Variants in LCMT2 observed in about 807,000 individuals in gnomAD.
LCMT2 encodes leucine carboxyl methyltransferase 2.
LCMT2 carries 34 observed loss-of-function variants against 42.0 expected under a neutral mutation model. That is an observed-to-expected ratio of 0.81 (90% CI 0.62 to 1.08). The LOEUF is 1.08. LCMT2 is among the 50% of genes least tolerant of loss of function. The pLI, the probability that LCMT2 is intolerant of heterozygous loss-of-function variation, is 0.00. For missense variants in LCMT2, 1,091 were observed against 889.4 expected (o/e 1.23, Z -2.88); for synonymous variants, 445 against 369.5 (o/e 1.20, Z -2.34).
In LCMT2 at chr15:43,324,167, CCTT is replaced by C. The variant is rs2043106140; in HGVS notation, c.*4259_*4261del. 4 of 152,318 alleles carry C rather than the reference CCTT, an allele frequency of 2.6e-5. No homozygotes were observed. Among genetic ancestry groups the C allele is most frequent in the East Asian group, 1.9e-4 (1 of 5,188 alleles). The allele number at this position is 152,318 out of a possible 1,614,324, so 9.4% of individuals were successfully genotyped here. A position where few individuals can be genotyped will look rare whatever the true frequency, so the allele number is the denominator to read the frequency against. ...TCATAATTCCTGCTCTACACACTCT[CCTT>C]CTCTCTTTAAACATCAAGTCTAATG... On this transcript the variant is annotated 3_prime_UTR_variant, in exon 1 of 1. Transcript: ENST00000305641.
At position 43,330,083 on chromosome 15, in the gene LCMT2, G is replaced by A. The variant is rs1402442700; in HGVS notation, c.407C>T (p.Thr136Ile). The stretch of plus-strand genomic sequence containing the variant: ...GGGCTCCCCCCTCTCGAAAGGCCCG[G>A]TTAACGCGCACAGCTCTGGCGTCTC... ...IGETPELCAL[T>I]GPFERGEPAS... is the part of the protein sequence containing the mutation. Residue 136 changes from threonine (T) to isoleucine (I), a missense_variant, in exon 1 of 1, where the codon ACC becomes ATC. Thr to Ile is a moderately conservative substitution (Grantham distance 89). Transcript: ENST00000305641. 3 of 1,612,060 alleles carry A rather than the reference G, an allele frequency of 1.9e-6. No individual in the cohort carries two copies. The highest frequency in any genetic ancestry group is 1.7e-5 in the Admixed American group (1 of 60,008).
At position 43,330,219 on chromosome 15, in the gene LCMT2, C is replaced by T; in HGVS notation, c.271G>A (p.Gly91Ser). ...AAGCGAAAATAGAGCGAGTCGAAGC[C>T]AGCGCCGAGAGACAAGATCTGCGCG... ...LRAQILSLGA[G>S]FDSLYFRLKT... Residue 91 changes from glycine to serine, a missense_variant, in exon 1 of 1, where the codon GGC becomes AGC. Transcript: ENST00000305641. The T allele has an allele frequency of 6.2e-7, 1 of 1,611,012 alleles. No homozygotes were observed. The highest frequency in any genetic ancestry group is 8.5e-7 in the Non-Finnish European group (1 of 1,179,754).
chr15:43,330,090 C>T lies in LCMT2; in HGVS notation c.400G>A (p.Ala134Thr), dbSNP rs772239826. ...ERIGETPELC[A>T]LTGPFERGEP... ...CCCCTCTCGAAAGGCCCGGTTAACG[C>T]GCACAGCTCTGGCGTCTCTCCAATC... Residue 134 changes from alanine (A) to threonine (T), a missense_variant, in exon 1 of 1, where the codon GCG becomes ACG. Transcript: ENST00000305641. 5.6e-6 allele frequency: 9 copies of T among 1,611,944 alleles called. No homozygotes were observed. The highest frequency in any genetic ancestry group is 6.8e-6 in the Non-Finnish European group (8 of 1,179,914).
Position 43,329,877 on chromosome 15 carries a change from A to G in LCMT2, c.613T>C (p.Trp205Arg). 1.2e-6 allele frequency: 2 copies of G among 1,613,456 alleles called. No individual in the cohort carries two copies. Among genetic ancestry groups the G allele is most frequent in the Non-Finnish European group, 1.7e-6 (2 of 1,179,882 alleles). Residue 205 changes from tryptophan (W) to arginine (R), a missense_variant, in exon 1 of 1, where the codon TGG (tryptophan) becomes CGG (arginine). Transcript: ENST00000305641. ...EPESAAALIA[W>R]AAQRFPNALF... is the part of the protein sequence containing the mutation. ...GCATTAGGAAAACGCTGGGCTGCCC[A>G]GGCGATGAGGGCCGCGGCACTCTCC...
Position 43,323,713 on chromosome 15 carries a change from A to G in LCMT2, c.*4716T>C, listed in dbSNP as rs2043104242. On this transcript the variant is annotated 3_prime_UTR_variant, in exon 1 of 1. Coordinates refer to ENST00000305641, the MANE Select transcript of LCMT2 (RefSeq NM_014793.5). Reference sequence around the variant, plus strand: ...TGACACCAGAAAGTCTACCACCTTTACCTGGGTCAGAAAAGTTGAATGTAT... The same window carrying G: ...TGACACCAGAAAGTCTACCACCTTTGCCTGGGTCAGAAAAGTTGAATGTAT... 1 of 152,220 alleles carries G rather than the reference A, an allele frequency of 6.6e-6. No individual in the cohort carries two copies. The highest frequency in any genetic ancestry group is 2.4e-5 in the African/African-American group (1 of 41,448). 9.4% of individuals were successfully genotyped at this position (152,220 alleles called of 1,614,324 possible). A position where few individuals can be genotyped will look rare whatever the true frequency, so the allele number is the denominator to read the frequency against.
chr15:43,329,219 CTT>C lies in LCMT2; in HGVS notation c.1269_1270del (p.Arg424ThrfsTer29). On this transcript the variant is annotated frameshift_variant, in exon 1 of 1. Transcript: ENST00000305641. LOFTEE classifies it high-confidence loss of function. ...AACCAGAACCCGACTCTCTGAGAGT[CTT>C]GTCATGGTGTGATAAAGGCGTCCAT... The C allele has an allele frequency of 6.2e-7, 1 of 1,614,038 alleles. No individual in the cohort carries two copies. Among genetic ancestry groups the C allele is most frequent in the Non-Finnish European group, 8.5e-7 (1 of 1,180,016 alleles).
Position 43,329,722 on chromosome 15 carries a change from G to T in LCMT2, c.768C>A (p.Arg256=). 1 of 1,613,366 alleles carries T rather than the reference G, an allele frequency of 6.2e-7. No individual in the cohort carries two copies. Among genetic ancestry groups the T allele is most frequent in the Non-Finnish European group, 8.5e-7 (1 of 1,179,844 alleles). Residue 256 remains arginine (R), a synonymous_variant, in exon 1 of 1, where the codon CGC becomes CGA. Transcript: ENST00000305641. ...CGGTCCAGCCAGCTTGAAGGAAGCG[G>T]CGCCGCTGCGCCTCCACGTCAGGAA... ...ERFPDVEAQR[R]RFLQAGWTAC...
Position 43,323,676 on chromosome 15 carries a change from T to C in LCMT2, c.*4753A>G, listed in dbSNP as rs966812026. 3 of 152,176 alleles carry C rather than the reference T, an allele frequency of 2.0e-5. No homozygotes were observed. Among genetic ancestry groups the C allele is most frequent in the Non-Finnish European group, 2.9e-5 (2 of 68,026 alleles). 9.4% of individuals were successfully genotyped at this position (152,176 alleles called of 1,614,324 possible). On this transcript the variant is annotated 3_prime_UTR_variant, in exon 1 of 1. Coordinates refer to ENST00000305641, the MANE Select transcript of LCMT2 (RefSeq NM_014793.5). The stretch of plus-strand genomic sequence containing the variant: ...AGGGAGAAGGTTCAGGTTTATTCCA[T>C]AAAGATAGAAATGACACCAGAAAGT...
rs756776063 is a variant in LCMT2, at chr15:43,329,515, G to T, written c.975C>A (p.Ser325=). 4 of 1,614,072 alleles carry T rather than the reference G, an allele frequency of 2.5e-6. No homozygotes were observed. In the African/African-American group the frequency reaches 5.3e-5, roughly 22 times the overall value. Residue 325 remains serine (S), a synonymous_variant, in exon 1 of 1, where the codon TCC becomes TCA. Coordinates refer to ENST00000305641, the MANE Select transcript of LCMT2 (RefSeq NM_014793.5). The part of the protein sequence containing the change: ...DTLSHTLVFP[S]SEAFPRVNPA... ...GATTTACGCGAGGAAATGCCTCTGA[G>T]GATGGAAACACTAGGGTGTGGGAGA... is the stretch of plus-strand genomic sequence containing the variant.
In LCMT2 at chr15:43,325,230, G is replaced by T. The variant is rs1375924704; in HGVS notation, c.*3199C>A. The T allele has an allele frequency of 6.6e-6, 1 of 152,222 alleles. No individual in the cohort carries two copies. The highest frequency in any genetic ancestry group is 2.4e-5 in the African/African-American group (1 of 41,460). 9.4% of individuals were successfully genotyped at this position (152,222 alleles called of 1,614,324 possible). On this transcript the variant is annotated 3_prime_UTR_variant, in exon 1 of 1. Coordinates refer to ENST00000305641, the MANE Select transcript of LCMT2 (RefSeq NM_014793.5). ...CTAGAAGTAATCCCTAAAAGAGGAA[G>T]AGACCTGTTCATTAACTCTCATAAC... is the stretch of plus-strand genomic sequence containing the variant.
At position 43,330,282 on chromosome 15, in the gene LCMT2, A is replaced by C. The variant is rs776595108; in HGVS notation, c.208T>G (p.Phe70Val). Reference sequence around the variant, plus strand: ...TGGGGCGCGCCAATCTGCTCCAAAAAAGCGCGCACGCAGTGCCTCACGGCG... The same window carrying C: ...TGGGGCGCGCCAATCTGCTCCAAAACAGCGCGCACGCAGTGCCTCACGGCG... ...ARAVRHCVRA[F>V]LEQIGAPQAA... The change falls in exon 1 of 1, where the codon TTT becomes GTT. Residue 70 changes from phenylalanine (F) to valine (V), a missense_variant. Transcript: ENST00000305641. 9.4e-6 allele frequency: 15 copies of C among 1,595,228 alleles called. No homozygotes were observed. Among genetic ancestry groups the C allele is most frequent in the African/African-American group, 2.7e-5 (2 of 73,404 alleles).
In LCMT2 at chr15:43,328,103, C is replaced by T. The variant is rs964881359; in HGVS notation, c.*326G>A. The T allele has an allele frequency of 4.1e-5, 10 of 244,210 alleles. No homozygotes were observed. The highest frequency in any genetic ancestry group is 8.0e-5 in the Non-Finnish European group (10 of 125,602). The allele number at this position is 244,210 out of a possible 1,614,324, so 15.1% of individuals were successfully genotyped here. ...CGTGTAACTTTTTCTAAGGTACCATCTCAAATCACAAGGCCTGGGATTGGG... is the reference window on the plus strand; with the variant it reads ...CGTGTAACTTTTTCTAAGGTACCATTTCAAATCACAAGGCCTGGGATTGGG... On this transcript the variant is annotated 3_prime_UTR_variant, in exon 1 of 1. Coordinates refer to ENST00000305641, the MANE Select transcript of LCMT2 (RefSeq NM_014793.5).
In LCMT2 at chr15:43,329,740, G is replaced by C. The variant is rs747880006; in HGVS notation, c.750C>G (p.Asp250Glu). ...SPLHGLERFP[D>E]VEAQRRRFLQ... ...GGAAGCGGCGCCGCTGCGCCTCCAC[G>C]TCAGGAAAACGCTCCAGGCCATGCA... Residue 250 changes from aspartate to glutamate, a missense_variant, in exon 1 of 1, where the codon GAC becomes GAG. Transcript: ENST00000305641. 45 of 1,613,400 alleles carry C rather than the reference G, an allele frequency of 2.8e-5. No individual in the cohort carries two copies. Among genetic ancestry groups the C allele is most frequent in the Non-Finnish European group, 3.6e-5 (42 of 1,179,950 alleles).
Position 43,329,090 on chromosome 15 carries a change from G to A in LCMT2, c.1400C>T (p.Thr467Ile), listed in dbSNP as rs2043141824. 6.2e-7 allele frequency: 1 copy of A among 1,613,878 alleles called. No individual in the cohort carries two copies. The highest frequency in any genetic ancestry group is 8.5e-7 in the Non-Finnish European group (1 of 1,179,972). The change falls in exon 1 of 1, where the codon ACA becomes ATA. Residue 467 changes from threonine (T) to isoleucine (I), a missense_variant. By Grantham distance (89) the Thr-to-Ile change is moderately conservative (BLOSUM62 -1). Coordinates refer to ENST00000305641, the MANE Select transcript of LCMT2 (RefSeq NM_014793.5). ...GGAATCATCCTTTCGGCCAGCCTTT[G>A]TTATTGTCACTTTCAGGTCCTCAGT... ...NNTEDLKVTI[T>I]KAGRKDDSTL...
chr15:43,329,374 A>C lies in LCMT2; in HGVS notation c.1116T>G (p.Ser372Arg). The change falls in exon 1 of 1, where the codon AGT becomes AGG. Residue 372 changes from serine (S) to arginine (R), a missense_variant. Physicochemically the swap from Ser to Arg is moderately radical, Grantham distance 110. Coordinates refer to ENST00000305641, the MANE Select transcript of LCMT2 (RefSeq NM_014793.5). ...SVFLSPDVIL[S>R]AGGFGEQEGR... is the part of the protein sequence containing the mutation. ...CCTCCTGCTCTCCAAATCCTCCTGC[A>C]CTGAGAATAACGTCTGGGCTCAAGA... The C allele has an allele frequency of 6.2e-7, 1 of 1,614,010 alleles. No individual in the cohort carries two copies. The highest frequency in any genetic ancestry group is 8.5e-7 in the Non-Finnish European group (1 of 1,180,006).
Position 43,329,456 on chromosome 15 carries a change from A to G in LCMT2, c.1034T>C (p.Val345Ala). ...ASPSGVFPAS[V>A]VSSEGQVPNL... Reference sequence around the variant, plus strand: ...TGGGACCTGGCCCTCGCTACTGACTACGCTGGCAGGGAATACCCCTGAAGG... The same window carrying G: ...TGGGACCTGGCCCTCGCTACTGACTGCGCTGGCAGGGAATACCCCTGAAGG... Residue 345 changes from valine (V) to alanine (A), a missense_variant, in exon 1 of 1, where the codon GTA becomes GCA. Transcript: ENST00000305641. The G allele has an allele frequency of 6.2e-7, 1 of 1,614,178 alleles. No homozygotes were observed. The highest frequency in any genetic ancestry group is 1.6e-4 in the Middle Eastern group (1 of 6,062).
At position 43,330,314 on chromosome 15, in the gene LCMT2, C is replaced by T. The variant is rs745818377; in HGVS notation, c.176G>A (p.Arg59His). 5.6e-6 allele frequency: 9 copies of T among 1,594,092 alleles called. No homozygotes were observed. Among genetic ancestry groups the T allele is most frequent in the Non-Finnish European group, 7.7e-6 (9 of 1,176,288 alleles). The change falls in exon 1 of 1, where the codon CGC becomes CAC. Residue 59 changes from arginine to histidine, a missense_variant. Coordinates refer to ENST00000305641, the MANE Select transcript of LCMT2 (RefSeq NM_014793.5). ...CACGCAGTGCCTCACGGCGCGTGCG[C>T]GGACGTAGTAGCCTCGGTGAATGAG... ...APLIHRGYYVRARAVRHCVRA... is the reference protein window; with the variant it reads ...APLIHRGYYVHARAVRHCVRA...
At position 43,330,236 on chromosome 15, in the gene LCMT2, A is replaced by G; in HGVS notation, c.254T>C (p.Ile85Thr). The change falls in exon 1 of 1, where the codon ATC becomes ACC. Residue 85 changes from isoleucine to threonine, a missense_variant. Coordinates refer to ENST00000305641, the MANE Select transcript of LCMT2 (RefSeq NM_014793.5). The part of the protein sequence containing the change: ...GAPQAALRAQ[I>T]LSLGAGFDSL... ...GTCGAAGCCAGCGCCGAGAGACAAG[A>G]TCTGCGCGCGAAGCGCGGCCTGGGG... 1 of 1,607,166 alleles carries G rather than the reference A, an allele frequency of 6.2e-7. No homozygotes were observed. The highest frequency in any genetic ancestry group is 8.5e-7 in the Non-Finnish European group (1 of 1,178,906).
rs1289811863 is a variant in LCMT2 at position 43,328,063 on chromosome 15, T to G, written c.*366A>C. ...TTCTAAGGTACCATCTCAAATATAT[T>G]CAACCACGGAACTGCGTGTAACTTT... On this transcript the variant is annotated 3_prime_UTR_variant, in exon 1 of 1. Coordinates refer to ENST00000305641, the MANE Select transcript of LCMT2 (RefSeq NM_014793.5). 1 of 197,764 alleles carries G rather than the reference T, an allele frequency of 5.1e-6. No individual in the cohort carries two copies. The highest frequency in any genetic ancestry group is 1.0e-5 in the Non-Finnish European group (1 of 95,404). The allele number at this position is 197,764 out of a possible 1,614,324, so 12.3% of individuals were successfully genotyped here. A position where few individuals can be genotyped will look rare whatever the true frequency, so the allele number is the denominator to read the frequency against.
Sources: allele counts gnomAD v4.1 joint callset, GRCh38; gene constraint gnomAD v4.1.1; transcripts MANE v1.5; gene names NCBI Gene and HGNC (gene_info 2026-07-23, HGNC 2026-07-21).